BLTP3A: variants seen among roughly 807,000 people sequenced by gnomAD.
BLTP3A encodes ICBP90 binding protein 1.
At chr6:34,800,104 CAAG>C in the BLTP3A span, among the ~76,000 whole-genome samples, 1 of 151,824 alleles carries the variant, frequency 6.6e-6, no homozygotes, top group Non-Finnish European at 1.5e-5. Flanking sequence ...AGGCATACCT[CAAG>C]GAGGAAACTT....
the BLTP3A span, chr6:34,859,313 C>G: frequency 6.2e-7 from 1 of 1,613,872 alleles, no homozygotes; most frequent in South Asian, 1.1e-5. Context: ...ACCCAAGCCT[C>G]CAGCTCACCA....
At chr6:34,868,501 T>C in the BLTP3A span, among the ~76,000 whole-genome samples, 1 of 151,642 alleles carries the variant, frequency 6.6e-6, no homozygotes, top group Non-Finnish European at 1.5e-5. Flanking sequence ...GGATGGTGGA[T>C]CACTTGAGGT....
At chr6:34,857,631 C>T in the BLTP3A span, 3 of 1,464,540 alleles carry the variant, frequency 2.0e-6, no homozygotes, top group Non-Finnish European at 2.8e-6. Flanking sequence ...AAATGTGTAC[C>T]TTTGCTCTGT....
chr6:34,852,631 G>T, the BLTP3A span, among the ~76,000 whole-genome samples: 159 of 150,738 alleles, frequency 1.1e-3, 1 homozygote, highest in East Asian at 0.03. Context: ...TGCTGCATGG[G>T]GTTGGGGGAG....
the BLTP3A span, among the ~76,000 whole-genome samples, chr6:34,868,411 T>C: frequency 6.6e-6 from 1 of 151,138 alleles, no homozygotes; most frequent in Admixed American, 6.6e-5. Context: ...CTGAACAACA[T>C]AGCAAGACCT....
the BLTP3A span, among the ~76,000 whole-genome samples, chr6:34,863,456 C>G: frequency 6.6e-6 from 1 of 152,192 alleles, no homozygotes; most frequent in African/African-American, 2.4e-5. Flanking sequence ...ATACCCTCTT[C>G]TCACTTTCAC....
the BLTP3A span, among the ~76,000 whole-genome samples, chr6:34,795,970 A>G: frequency 6.6e-6 from 1 of 152,148 alleles, no homozygotes; most frequent in Non-Finnish European, 1.5e-5. Context: ...TAGCTTGGAA[A>G]AGCTGCCTAA....
At chr6:34,820,834 T>TTTTTG in the BLTP3A span, among the ~76,000 whole-genome samples, 1 of 140,378 alleles carries the variant, frequency 7.1e-6, no homozygotes, top group African/African-American at 2.6e-5. Context: ...TTTTTTTTTT[T>TTTTTG]AGAGATAGGG....
At chr6:34,871,132 G>T in the BLTP3A span, 2 of 1,601,612 alleles carry the variant, frequency 1.2e-6, no homozygotes, top group Non-Finnish European at 8.5e-7. Context: ...AGGAACCTTT[G>T]GTTTTTGCCA....
At chr6:34,811,217 T>G in the BLTP3A span, among the ~76,000 whole-genome samples, 1 of 152,208 alleles carries the variant, frequency 6.6e-6, no homozygotes, top group Non-Finnish European at 1.5e-5. Context: ...TGAGCTAAGA[T>G]TCACTGTAAT....
the BLTP3A span, among the ~76,000 whole-genome samples, chr6:34,828,943 C>T: frequency 7.4e-6 from 1 of 135,190 alleles, no homozygotes. Flanking sequence ...AGGAGAATTG[C>T]TTGAACCTGT....
At chr6:34,838,521 T>C in the BLTP3A span, among the ~76,000 whole-genome samples, 2 of 152,222 alleles carry the variant, frequency 1.3e-5, no homozygotes, top group African/African-American at 4.8e-5. Context: ...GAAGACAGTC[T>C]CCAAACCAAT....
At chr6:34,807,600 G>T in the BLTP3A span, among the ~76,000 whole-genome samples, 10 of 152,224 alleles carry the variant, frequency 6.6e-5, no homozygotes, top group Non-Finnish European at 1.3e-4. Flanking sequence ...AACTGGCCCA[G>T]TATTGGAATG....
the BLTP3A span, chr6:34,863,980 T>G: frequency 6.4e-7 from 1 of 1,565,954 alleles, no homozygotes; most frequent in Non-Finnish European, 8.6e-7. Flanking sequence ...CATTTGTGGT[T>G]TTTGTTTTTT....
At chr6:34,817,187 C>T in the BLTP3A span, among the ~76,000 whole-genome samples, 1 of 152,112 alleles carries the variant, frequency 6.6e-6, no homozygotes, top group Non-Finnish European at 1.5e-5. Context: ...ATTTCTCCTT[C>T]GTACCTCAGT....
the BLTP3A span, among the ~76,000 whole-genome samples, chr6:34,832,539 G>A: frequency 2.4e-4 from 37 of 151,514 alleles, no homozygotes; most frequent in Non-Finnish European, 4.4e-4. Flanking sequence ...GGGCTCAAGC[G>A]ATCCTCCTAT....
chr6:34,828,312 A>G, the BLTP3A span, among the ~76,000 whole-genome samples: 928 of 151,940 alleles, frequency 6.1e-3, 10 homozygotes, highest in African/African-American at 0.021. Flanking sequence ...TTAGCCGTGC[A>G]TGGTGGCACG....
the BLTP3A span, among the ~76,000 whole-genome samples, chr6:34,796,830 G>A: frequency 2.6e-5 from 4 of 152,090 alleles, no homozygotes; most frequent in African/African-American, 9.7e-5. Context: ...TCATCCTCCC[G>A]AGTAGCTGGG....
the BLTP3A span, among the ~76,000 whole-genome samples, chr6:34,853,514 G>A: frequency 2.6e-5 from 4 of 151,984 alleles, no homozygotes; most frequent in Middle Eastern, 3.4e-3. Flanking sequence ...ATCACTGGAG[G>A]GGGTGTGTTT....
Sources: gnomAD v4.1 joint callset for allele counts (sites outside exome capture counted in the v4.1 genomes callset) on GRCh38, gnomAD v4.1.1 for gene constraint, MANE v1.5 for transcripts, NCBI Gene and HGNC (gene_info 2026-07-23, HGNC 2026-07-21) for gene names.